Variants in ATG4A observed in about 807,000 individuals in gnomAD.
ATG4A encodes autophagy related 4A cysteine peptidase, also known as cysteine protease ATG4A.
ATG4A carries 22 observed loss-of-function variants against 38.4 expected under a neutral mutation model. The observed-to-expected ratio is 0.57, with a 90% CI of 0.41 to 0.82. The LOEUF (loss-of-function observed/expected upper bound fraction) is 0.82, where lower values mean the gene tolerates loss of function less well. Among genes scored for constraint, ATG4A ranks in the 40% least tolerant of loss-of-function variants. The probability of loss-of-function intolerance (pLI) is 0.00; values close to 1 mark genes in which losing one functional copy is unlikely to be tolerated. For synonymous variants in ATG4A, 86 were observed against 100.7 expected (o/e 0.85, Z 0.88); for missense variants, 220 against 290.0 (o/e 0.76, Z 1.75).
At chrX:108,137,228 AT>A in intron 7 of ATG4A, 58 bp downstream of exon 7, 2 of 1,011,901 alleles carry the variant, frequency 2.0e-6, no homozygotes, top group South Asian at 4.3e-5. Context: ...CTCCCTCACC[AT>A]TCAGTATTCT....
chrX:108,141,039 CATATATATACATATATACGTGT>C, intron 9 of ATG4A, among the ~76,000 whole-genome samples: 1 of 49,432 alleles, frequency 2.0e-5, no homozygotes, highest in African/African-American at 1.0e-4. Context: ...TACATATATA[CATATATATACATATATACGTGT>C]ATATATATAC....
chrX:108,116,008 C>T (rs2032500247), intron 1 of ATG4A, among the ~76,000 whole-genome samples: 1 of 112,032 alleles, frequency 8.9e-6, no homozygotes, highest in Non-Finnish European at 1.9e-5. Flanking sequence ...TTCCTGGTGT[C>T]TGCTACATAC....
At chrX:108,113,418 CAAG>C (rs1211026008) in intron 1 of ATG4A, among the ~76,000 whole-genome samples, 1 of 111,047 alleles carries the variant, frequency 9.0e-6, no homozygotes, top group Non-Finnish European at 1.9e-5. Flanking sequence ...GGGGCACTGA[CAAG>C]GAGTTCAGAG....
rs191204068 is a variant in ATG4A, at chrX:108,142,054, A to T, written c.814+3863A>T. Among the ~76,000 whole-genome samples the T allele has an allele frequency of 6.6e-3, 733 of 111,463 alleles. 2 individuals are homozygous for T. The highest frequency in any genetic ancestry group is 9.2e-3 in the Middle Eastern group (2 of 218). The stretch of plus-strand genomic sequence containing the variant: ...TCTGAAGCAACATGGATGGAGCTGG[A>T]GGCCATTATCCTAAGTGTACTATAT... On this transcript the variant is annotated intron_variant, in intron 9 of 12. Transcript: ENST00000372232.
chrX:108,105,038 A>G (rs751415030), intron 1 of ATG4A, among the ~76,000 whole-genome samples: 20 of 109,838 alleles, frequency 1.8e-4, no homozygotes, highest in South Asian at 3.9e-4. Context: ...GAACTCATAG[A>G]TGGCATCTTT....
intron 1 of ATG4A, among the ~76,000 whole-genome samples, chrX:108,114,555 A>G (rs766293366): frequency 1.8e-5 from 2 of 112,609 alleles, no homozygotes; most frequent in East Asian, 5.5e-4. Context: ...AAAATTTTAA[A>G]GAGTTTATTT....
rs776140964 is a variant in ATG4A, at chrX:108,153,624, A to G, written c.1127-18A>G. 8.4e-6 allele frequency: 10 copies of G among 1,184,393 alleles called. No individual in the cohort carries two copies. Among genetic ancestry groups the G allele is most frequent in the Middle Eastern group, 4.6e-4 (2 of 4,307 alleles). On this transcript the variant is annotated intron_variant, in intron 12 of 12. Transcript: ENST00000372232. ...AAGTGTCAAGCTTTTCTTCTTTCTCATTTCCGTATTCTGATAGAATTCATT... is the reference window on the plus strand; with the variant it reads ...AAGTGTCAAGCTTTTCTTCTTTCTCGTTTCCGTATTCTGATAGAATTCATT...
At chrX:108,096,644 ATATTT>A (rs766014976) in intron 1 of ATG4A, among the ~76,000 whole-genome samples, 6 of 110,328 alleles carry the variant, frequency 5.4e-5, no homozygotes, top group East Asian at 2.8e-4. Flanking sequence ...TATAAACAGT[ATATTT>A]TATTTTATTT....
Position 108,134,047 on chromosome X carries a change from T to C in ATG4A, c.293-10T>C. ...AAAATGTTTCTAACCCATTTTTTTT[T>C]CTTAAAAAGACTGGAGCTGGGAGAA... is the stretch of plus-strand genomic sequence containing the variant. On this transcript the variant is annotated splice_polypyrimidine_tract_variant and intron_variant, in intron 4 of 12. Transcript: ENST00000372232. The C allele has an allele frequency of 8.5e-7, 1 of 1,178,115 alleles. No individual in the cohort carries two copies.
At chrX:108,098,929 G>A (rs1034159074) in intron 1 of ATG4A, among the ~76,000 whole-genome samples, 6 of 111,368 alleles carry the variant, frequency 5.4e-5, no homozygotes, top group Admixed American at 1.9e-4. Flanking sequence ...TGGCTATTAC[G>A]AAGAGAACTC....
chrX:108,126,053 C>T, intron 1 of ATG4A, 24 bp from the exon 2 acceptor site: 1 of 1,068,419 alleles, frequency 9.4e-7, no homozygotes, highest in Non-Finnish European at 1.3e-6. Context: ...TTAAATTTTA[C>T]TTGTTTCTTT....
Position 108,137,988 on chromosome X carries a change from C to A in ATG4A, c.732C>A (p.Phe244Leu). 8.3e-7 allele frequency: 1 copy of A among 1,199,768 alleles called. No homozygotes were observed. The highest frequency in any genetic ancestry group is 1.8e-5 in the South Asian group (1 of 54,370). ...NQINPVYVDA[F>L]KECFKMPQSL... is the part of the protein sequence containing the mutation. ...TCAATCCTGTCTATGTTGATGCATT[C>A]AAAGTAAGTCACTTCTTTCCCTGAG... Residue 244 changes from phenylalanine (F) to leucine (L), a missense_variant, in exon 8 of 13, where the codon TTC becomes TTA. Around this residue, in one of 3 missense-constraint regions of ATG4A, gnomAD observed 159 missense variants for 188.9 expected, o/e 0.84. Coordinates refer to ENST00000372232, the MANE Select transcript of ATG4A (RefSeq NM_052936.5).
intron 9 of ATG4A, among the ~76,000 whole-genome samples, chrX:108,149,135 C>T (rs1569314547): frequency 8.8e-6 from 1 of 113,058 alleles, no homozygotes; most frequent in Non-Finnish European, 1.9e-5. Context: ...CTGACAGAAA[C>T]ATGTAGATGT....
Position 108,151,838 on chromosome X carries a change from T to A in ATG4A, c.997T>A (p.Trp333Arg). ...FCKEEKDFDN[W>R]CSLVQKEILK... Reference sequence around the variant, plus strand: ...CAAAGAAGAAAAAGACTTTGATAACTGGTGTAGCCTTGTTCAGAAGGTAAA... The same window carrying A: ...CAAAGAAGAAAAAGACTTTGATAACAGGTGTAGCCTTGTTCAGAAGGTAAA... Residue 333 changes from tryptophan to arginine, a missense_variant, in exon 11 of 13, where the codon TGG (tryptophan) becomes AGG (arginine). This residue lies in a region of ATG4A where 159 missense variants were observed against 188.9 expected (regional missense o/e 0.84). Coordinates refer to ENST00000372232, the MANE Select transcript of ATG4A (RefSeq NM_052936.5). 8.3e-7 allele frequency: 1 copy of A among 1,207,197 alleles called. No homozygotes were observed. Among genetic ancestry groups the A allele is most frequent in the Non-Finnish European group, 1.1e-6 (1 of 892,077 alleles).
chrX:108,137,524 C>G (rs987099632), intron 7 of ATG4A, among the ~76,000 whole-genome samples: 1 of 112,249 alleles, frequency 8.9e-6, no homozygotes, highest in Non-Finnish European at 1.9e-5. Flanking sequence ...GTCCCTGTCT[C>G]AAAGGCCCTG....
chrX:108,096,438 C>G (rs2031820472), intron 1 of ATG4A, among the ~76,000 whole-genome samples: 1 of 111,709 alleles, frequency 9.0e-6, no homozygotes, highest in African/African-American at 3.3e-5. Flanking sequence ...CAGAAGTGCC[C>G]TGCATATTCA....
In ATG4A at chrX:108,112,536, C is replaced by T. The variant is rs767702066; in HGVS notation, c.11-13541C>T. Among the ~76,000 whole-genome samples the T allele has an allele frequency of 7.3e-5, 8 of 110,048 alleles. No homozygotes were observed. The South Asian group carries it at 2.0e-3, about 27-fold the overall frequency. On this transcript the variant is annotated intron_variant, in intron 1 of 12. Transcript: ENST00000372232. ...CCTCCTCAGTAGCTGGGATTACAGG[C>T]GCCCGGCACTACGCCCGGCTAATTT...
At chrX:108,138,774 A>C (rs1477418176) in intron 9 of ATG4A, among the ~76,000 whole-genome samples, 1 of 112,192 alleles carries the variant, frequency 8.9e-6, no homozygotes, top group Admixed American at 9.4e-5. Context: ...TCCTTGGTAC[A>C]CAAGGTAAGC....
At chrX:108,138,222 C>T (rs1250037211) in intron 9 of ATG4A, 31 bp downstream of exon 9, 10 of 1,166,782 alleles carry the variant, frequency 8.6e-6, no homozygotes, top group Admixed American at 2.2e-5. Context: ...AGTAAGTCAT[C>T]GTGGGCTAGG....
Sources: allele counts gnomAD v4.1 joint callset (sites outside exome capture counted in the v4.1 genomes callset), GRCh38; gene constraint gnomAD v4.1.1; regional missense constraint gnomAD v4.1.1; transcripts MANE v1.5; gene names NCBI Gene and HGNC (gene_info 2026-07-23, HGNC 2026-07-21).